MINDY4: variants seen among roughly 807,000 people sequenced by gnomAD.
MINDY4 encodes the protein MINDY lysine 48 deubiquitinase 4, also known as probable ubiquitin carboxyl-terminal hydrolase MINDY-4.
A neutral mutation model predicts 87.0 loss-of-function variants in MINDY4; 68 were observed. The observed-to-expected ratio is 0.78, with a 90% CI of 0.64 to 0.96. The LOEUF (loss-of-function observed/expected upper bound fraction) is 0.96. Among genes scored for constraint, MINDY4 ranks in the 40% least tolerant of loss-of-function variants. The pLI is 0.00. For synonymous variants in MINDY4, 379 were observed against 363.2 expected, an observed-to-expected ratio of 1.04 and a Z score of -0.50; for missense variants, 919 against 928.2, an observed-to-expected ratio of 0.99 and a Z score of 0.13.
At chr7:30,886,488 C>T (rs964178618) in intron 17 of MINDY4, among the ~76,000 whole-genome samples, 4 of 152,208 alleles carry the variant, frequency 2.6e-5, no homozygotes, top group African/African-American at 9.6e-5. Context: ...GGCCTTTGGG[C>T]ACCCCCTGTT....
intron 17 of MINDY4, 25 bp from the exon 18 acceptor site, chr7:30,891,932 G>T: frequency 6.2e-7 from 1 of 1,613,672 alleles, no homozygotes; most frequent in Non-Finnish European, 8.5e-7. Flanking sequence ...ATCTCTCTTT[G>T]TCTCTCTCCT....
chr7:30,834,319 G>C (rs188202636), intron 6 of MINDY4, among the ~76,000 whole-genome samples: 2 of 152,346 alleles, frequency 1.3e-5, no homozygotes, highest in African/African-American at 4.8e-5. Flanking sequence ...ACACCACATG[G>C]TAGCTGCCAA....
intron 5 of MINDY4, among the ~76,000 whole-genome samples, chr7:30,808,726 A>G (rs997079270): frequency 1.3e-5 from 2 of 152,174 alleles, no homozygotes; most frequent in Non-Finnish European, 2.9e-5. Context: ...TTTCAAAGGT[A>G]TGGCACAAGG....
intron 5 of MINDY4, among the ~76,000 whole-genome samples, chr7:30,813,181 G>T (rs554742073): frequency 3.3e-5 from 5 of 152,166 alleles, no homozygotes. Flanking sequence ...GAGAACCAGA[G>T]CCCTGTCAGA....
chr7:30,813,290 A>C (rs1355014589), intron 5 of MINDY4, among the ~76,000 whole-genome samples: 1 of 152,140 alleles, frequency 6.6e-6, no homozygotes, highest in East Asian at 1.9e-4. Context: ...CATGTGAATT[A>C]TTGTTACCTG....
intron 12 of MINDY4, among the ~76,000 whole-genome samples, chr7:30,855,032 C>G (rs971501737): frequency 2.6e-5 from 4 of 152,236 alleles, no homozygotes; most frequent in Non-Finnish European, 5.9e-5. Context: ...GCTGCCTGTC[C>G]CCAGCTCTGG....
At chr7:30,834,158 T>C (rs1788790428) in intron 6 of MINDY4, among the ~76,000 whole-genome samples, 1 of 152,252 alleles carries the variant, frequency 6.6e-6, no homozygotes, top group South Asian at 2.1e-4. Context: ...CCACATTTCC[T>C]TTCTGCACTG....
rs1353458776 is a variant in MINDY4 at position 30,891,897 on chromosome 7, C to T, written c.2226-60C>T. 12 of 1,545,048 alleles carry T rather than the reference C, an allele frequency of 7.8e-6. No homozygotes were observed. The East Asian group carries it at 9.0e-5, about 12-fold the overall frequency. On this transcript the variant is annotated intron_variant, in intron 17 of 17. Transcript: ENST00000265299. The stretch of plus-strand genomic sequence containing the variant: ...TCAGGAAGTGGAGGCAAGAGATGGG[C>T]TCTCATCTGGGACCCTGAAGCTTGA...
chr7:30,851,477 ATAAT>A (rs1407795189), intron 10 of MINDY4, among the ~76,000 whole-genome samples: 1 of 152,194 alleles, frequency 6.6e-6, no homozygotes, highest in Non-Finnish European at 1.5e-5. Context: ...TAGCTGATAA[ATAAT>A]AATAATTGCG....
intron 2 of MINDY4, 115 bp from the exon 3 acceptor site, chr7:30,781,862 G>A (rs942717311): frequency 2.9e-6 from 2 of 699,308 alleles, no homozygotes; most frequent in African/African-American, 3.6e-5. Context: ...CTGAAAGCTT[G>A]TATGAATGAG....
Position 30,840,797 on chromosome 7 carries a change from G to A in MINDY4, c.1394G>A (p.Cys465Tyr), listed in dbSNP as rs34970833. 79,466 of 1,613,940 alleles carry A rather than the reference G, an allele frequency of 0.049. 2,270 individuals carry two copies. Among genetic ancestry groups the A allele is most frequent in the Non-Finnish European group, 0.059 (69,378 of 1,179,838 alleles). The change falls in exon 9 of 18, where the codon TGT becomes TAT. Residue 465 changes from cysteine (C) to tyrosine (Y), a missense_variant. Cys to Tyr is a radical substitution (Grantham distance 194, BLOSUM62 -2). Transcript: ENST00000265299. ...PCGVLAAVQG[C>Y]VLQKLLFEGD... ...GGAGTCCTGGCAGCTGTCCAAGGCT[G>A]TGTCCTACAGAAACTCCTGTTTGAA...
chr7:30,844,380 CCT>C (rs1375953313), intron 9 of MINDY4, among the ~76,000 whole-genome samples: 1 of 152,192 alleles, frequency 6.6e-6, no homozygotes, highest in Non-Finnish European at 1.5e-5. Flanking sequence ...GGACTCGCCT[CCT>C]CCTGGTGATG....
intron 13 of MINDY4, among the ~76,000 whole-genome samples, chr7:30,871,036 TGTGTGTACCCCCCTGGGTC>T (rs1249001654): frequency 2.6e-5 from 4 of 151,134 alleles, no homozygotes; most frequent in East Asian, 2.0e-4. Context: ...CCCCCAGGGT[TGTGTGTACCCCCCTGGGTC>T]GTGTGTACCC....
intron 6 of MINDY4, among the ~76,000 whole-genome samples, chr7:30,830,624 G>A (rs77524475): frequency 2.0e-5 from 3 of 152,128 alleles, no homozygotes; most frequent in African/African-American, 4.8e-5. Flanking sequence ...AGTATTACAA[G>A]AATAGCATGA....
intron 15 of MINDY4, among the ~76,000 whole-genome samples, chr7:30,880,700 C>T (rs1394389100): frequency 4.6e-5 from 7 of 152,140 alleles, no homozygotes; most frequent in Non-Finnish European, 8.8e-5. Context: ...CACGTCCAGC[C>T]ACGTCCTGTA....
chr7:30,775,873 T>C (rs1355567595), intron 1 of MINDY4, among the ~76,000 whole-genome samples: 1 of 152,240 alleles, frequency 6.6e-6, no homozygotes, highest in Non-Finnish European at 1.5e-5. Context: ...ACTGTGCCCA[T>C]TGGAATAAAT....
chr7:30,773,213 C>A (rs182800968), intron 1 of MINDY4, among the ~76,000 whole-genome samples: 21 of 152,370 alleles, frequency 1.4e-4, no homozygotes, highest in Non-Finnish European at 2.5e-4. Context: ...TTGCACCCAG[C>A]AGTCGTAACC....
At chr7:30,867,848 G>A (rs1202298320) in intron 13 of MINDY4, among the ~76,000 whole-genome samples, 2 of 152,162 alleles carry the variant, frequency 1.3e-5, no homozygotes, top group Admixed American at 6.5e-5. Flanking sequence ...AGTACTGCCT[G>A]CTTCAGGCTT....
chr7:30,822,120 G>A (rs1043137191), intron 5 of MINDY4, among the ~76,000 whole-genome samples: 4 of 151,586 alleles, frequency 2.6e-5, no homozygotes, highest in Admixed American at 1.3e-4. Context: ...TCTCCTAAGG[G>A]CAAGAACATT....
Sources: gnomAD v4.1 joint callset for allele counts (sites outside exome capture counted in the v4.1 genomes callset) on GRCh38, gnomAD v4.1.1 for gene constraint, MANE v1.5 for transcripts, NCBI Gene and HGNC (gene_info 2026-07-23, HGNC 2026-07-21) for gene names.